SPOCK3: variants seen among roughly 807,000 people sequenced by gnomAD.
SPOCK3 encodes SPARC (osteonectin), cwcv and kazal like domains proteoglycan 3.
SPOCK3 carries 30 observed loss-of-function variants against 56.6 expected under a neutral mutation model. The ratio of observed to expected loss-of-function variants is 0.53; its 90% CI spans 0.40 to 0.72. SPOCK3 has a LOEUF of 0.72. Ranked by LOEUF, SPOCK3 falls within the 30% of genes least tolerant of loss-of-function variation. The probability of loss-of-function intolerance (pLI) is 0.00; values close to 1 mark genes in which losing one functional copy is unlikely to be tolerated. For synonymous variants in SPOCK3, 196 were observed against 183.3 expected (o/e 1.07, Z -0.56); for missense variants, 527 against 530.0 (o/e 0.99, Z 0.06).
chr4:166,874,488 T>C (rs990802865), intron 6 of SPOCK3, among the ~76,000 whole-genome samples: 1 of 152,220 alleles, frequency 6.6e-6, no homozygotes, highest in Non-Finnish European at 1.5e-5. Flanking sequence ...CGTATCTGTG[T>C]ATTCAATTTG....
chr4:166,919,216 G>C (rs1738219834), intron 4 of SPOCK3, among the ~76,000 whole-genome samples: 1 of 152,144 alleles, frequency 6.6e-6, no homozygotes, highest in African/African-American at 2.4e-5. Flanking sequence ...CAAGTATGAT[G>C]TAGAAAAGTT....
chr4:166,931,666 T>C (rs1468588211), intron 4 of SPOCK3, among the ~76,000 whole-genome samples: 7 of 152,218 alleles, frequency 4.6e-5, no homozygotes, highest in Non-Finnish European at 8.8e-5. Context: ...TCCATTTCAT[T>C]GTTTAGAGCA....
intron 6 of SPOCK3, among the ~76,000 whole-genome samples, chr4:166,808,719 C>G (rs1743446058): frequency 6.6e-6 from 1 of 152,078 alleles, no homozygotes; most frequent in Non-Finnish European, 1.5e-5. Context: ...TTTTGTTTCT[C>G]CAACATTTTC....
intron 6 of SPOCK3, among the ~76,000 whole-genome samples, chr4:166,877,457 C>G (rs896057057): frequency 6.6e-6 from 1 of 151,986 alleles, no homozygotes; most frequent in African/African-American, 2.4e-5. Context: ...CTCTCACGTT[C>G]AGAAAACATA....
intron 2 of SPOCK3, among the ~76,000 whole-genome samples, chr4:167,226,466 G>C (rs546279660): frequency 1.8e-4 from 27 of 152,148 alleles, no homozygotes; most frequent in Non-Finnish European, 3.4e-4. Flanking sequence ...ATTCCCATCA[G>C]AGGACACGGG....
chr4:166,961,245 G>T (rs1320513595), intron 4 of SPOCK3, among the ~76,000 whole-genome samples: 1 of 126,188 alleles, frequency 7.9e-6, no homozygotes, highest in Non-Finnish European at 1.6e-5. Context: ...TCTTACCCAC[G>T]AAATTAAAAA....
chr4:167,149,244 A>T (rs1188843048), intron 2 of SPOCK3, among the ~76,000 whole-genome samples: 1 of 152,106 alleles, frequency 6.6e-6, no homozygotes. Context: ...CTATGATAAA[A>T]TTTCCTATGT....
intron 2 of SPOCK3, among the ~76,000 whole-genome samples, chr4:167,225,289 C>A (rs1373938326): frequency 6.6e-6 from 1 of 151,938 alleles, no homozygotes; most frequent in Non-Finnish European, 1.5e-5. Flanking sequence ...ATAGAAAAAT[C>A]TGCAATATAT....
At chr4:167,018,523 C>T (rs1416140672) in intron 3 of SPOCK3, among the ~76,000 whole-genome samples, 1 of 152,072 alleles carries the variant, frequency 6.6e-6, no homozygotes, top group Non-Finnish European at 1.5e-5. Flanking sequence ...GAAAACAGGT[C>T]CTGCTGGCAT....
At chr4:166,891,527 AG>A (rs1734785728) in intron 5 of SPOCK3, among the ~76,000 whole-genome samples, 1 of 152,050 alleles carries the variant, frequency 6.6e-6, no homozygotes, top group African/African-American at 2.4e-5. Flanking sequence ...CATCCTTTCA[AG>A]AGAACACTTT....
intron 2 of SPOCK3, among the ~76,000 whole-genome samples, chr4:167,092,373 G>A (rs1025206034): frequency 6.6e-6 from 1 of 152,080 alleles, no homozygotes; most frequent in Non-Finnish European, 1.5e-5. Context: ...CTGTAACGAA[G>A]GGTCCCAACC....
chr4:167,117,228 A>T (rs932876456), intron 2 of SPOCK3, among the ~76,000 whole-genome samples: 9 of 152,236 alleles, frequency 5.9e-5, no homozygotes, highest in Admixed American at 2.6e-4. Flanking sequence ...ATAAAAATTT[A>T]AAAAAGAGGA....
chr4:167,198,549 C>T (rs1006986495), intron 2 of SPOCK3, among the ~76,000 whole-genome samples: 1 of 152,094 alleles, frequency 6.6e-6, no homozygotes, highest in Middle Eastern at 3.2e-3. Context: ...GATACAAGGC[C>T]AGTATATACA....
intron 4 of SPOCK3, among the ~76,000 whole-genome samples, chr4:166,921,788 C>T (rs1247752682): frequency 6.6e-6 from 1 of 152,208 alleles, no homozygotes; most frequent in Non-Finnish European, 1.5e-5. Flanking sequence ...ATAGTTACAG[C>T]TACATAAATG....
chr4:166,839,813 T>A lies in SPOCK3; in HGVS notation c.590-47524A>T, dbSNP rs572092109. 3.3e-5 allele frequency among the ~76,000 whole-genome samples: 5 copies of A among 152,210 alleles called. No individual in the cohort carries two copies. In the South Asian group the frequency reaches 1.0e-3, roughly 32 times the overall value. On this transcript the variant is annotated intron_variant, in intron 6 of 10. Coordinates refer to ENST00000357545, the MANE Select transcript of SPOCK3 (RefSeq NM_001040159.2). ...TAGCTATATAACCATAAACTGCCAA[T>A]CAAATGCCATCATCCTGTCACTCAG... is the stretch of plus-strand genomic sequence containing the variant.
chr4:167,197,910 GATTCCA>G (rs1733120284), intron 2 of SPOCK3, among the ~76,000 whole-genome samples: 1 of 152,108 alleles, frequency 6.6e-6, no homozygotes. Context: ...CATTCTCTCC[GATTCCA>G]AAAGGGCCAA....
intron 2 of SPOCK3, among the ~76,000 whole-genome samples, chr4:167,212,723 C>G (rs1158160845): frequency 6.6e-6 from 1 of 152,102 alleles, no homozygotes; most frequent in African/African-American, 2.4e-5. Context: ...TTTCTCCACC[C>G]ACTACATCAT....
At chr4:166,953,073 A>C (rs1023121696) in intron 4 of SPOCK3, among the ~76,000 whole-genome samples, 1 of 151,950 alleles carries the variant, frequency 6.6e-6, no homozygotes, top group Admixed American at 6.5e-5. Context: ...CAAAAGCCAA[A>C]ATTGACAAAT....
At chr4:166,829,411 T>C (rs182296832) in intron 6 of SPOCK3, among the ~76,000 whole-genome samples, 26 of 152,194 alleles carry the variant, frequency 1.7e-4, no homozygotes, top group Admixed American at 1.6e-3. Flanking sequence ...GCAAAAAGAC[T>C]ATTAGAACTA....
Sources: allele counts gnomAD v4.1 joint callset (sites outside exome capture counted in the v4.1 genomes callset), GRCh38; gene constraint gnomAD v4.1.1; transcripts MANE v1.5; gene names NCBI Gene and HGNC (gene_info 2026-07-23, HGNC 2026-07-21).